The following GRIP2 variants were observed in gnomAD, a reference collection of about 807,000 sequenced individuals.
GRIP2 encodes glutamate receptor-interacting protein 2.
GRIP2 carries 58 observed loss-of-function variants against 108.3 expected under a neutral mutation model. The observed-to-expected ratio is 0.54, with a 90% CI of 0.43 to 0.67. GRIP2 has a LOEUF of 0.67. Among genes scored for constraint, GRIP2 ranks in the 30% least tolerant of loss-of-function variants. The probability of loss-of-function intolerance (pLI) is 0.00; values close to 1 mark genes in which losing one functional copy is unlikely to be tolerated. For missense variants in GRIP2, 1,278 were observed against 1,430.6 expected (o/e 0.89, Z 1.72); for synonymous variants, 586 against 598.2 (o/e 0.98, Z 0.30).
intron 1 of GRIP2, among the ~76,000 whole-genome samples, chr3:14,549,533 T>C (rs749394238): frequency 5.3e-5 from 8 of 151,876 alleles, no homozygotes; most frequent in Non-Finnish European, 1.2e-4. Flanking sequence ...TCCTGGAGGG[T>C]TCCCCAACCA....
At chr3:14,504,626 C>A (rs1693867226) in intron 20 of GRIP2, among the ~76,000 whole-genome samples, 1 of 152,168 alleles carries the variant, frequency 6.6e-6, no homozygotes, top group Non-Finnish European at 1.5e-5. Context: ...TGCTCTTTTA[C>A]AGGGGCACGC....
the GRIP2 span, among the ~76,000 whole-genome samples, chr3:14,572,544 G>A: frequency 1.1e-4 from 15 of 131,164 alleles, no homozygotes; most frequent in South Asian, 2.5e-4. Flanking sequence ...CCCGGGAGGC[G>A]GAGCTTGCAG....
chr3:14,490,887 G>A lies in GRIP2; in HGVS notation c.*2778C>T, dbSNP rs1436735860. 1 of 152,170 alleles carries A rather than the reference G, an allele frequency of 6.6e-6. No homozygotes were observed. The highest frequency in any genetic ancestry group is 1.5e-5 in the Non-Finnish European group (1 of 68,028). 9.4% of individuals were successfully genotyped at this position (152,170 alleles called of 1,614,324 possible). A position where few individuals can be genotyped will look rare whatever the true frequency, so the allele number is the denominator to read the frequency against. Reference sequence around the variant, plus strand: ...ATTGTGAGCTAAAGCCCCTCACCCTGGTCCCTCTATCCCGTTACTCCCTTG... The same window carrying A: ...ATTGTGAGCTAAAGCCCCTCACCCTAGTCCCTCTATCCCGTTACTCCCTTG... On this transcript the variant is annotated 3_prime_UTR_variant, in exon 24 of 24. Transcript: ENST00000621039.
upstream of GRIP2, among the ~76,000 whole-genome samples, chr3:14,541,025 G>A (rs1575030112): frequency 2.0e-5 from 3 of 152,372 alleles, no homozygotes; most frequent in South Asian, 6.2e-4. Flanking sequence ...TTGATAGGCA[G>A]GGCCAGTTGG....
At chr3:14,497,752 T>C (rs904647650) in intron 21 of GRIP2, among the ~76,000 whole-genome samples, 6 of 151,966 alleles carry the variant, frequency 3.9e-5, no homozygotes, top group African/African-American at 1.5e-4. Flanking sequence ...TTAGGGGTCA[T>C]GTAGTGGTCC....
At chr3:14,552,495 C>T (rs1042145261) in intron 1 of GRIP2, among the ~76,000 whole-genome samples, 68 of 152,194 alleles carry the variant, frequency 4.5e-4, no homozygotes, top group African/African-American at 1.5e-3. Flanking sequence ...CCTGCCTTGA[C>T]GTCTGTCGAT....
At chr3:14,592,552 T>C in the GRIP2 span, among the ~76,000 whole-genome samples, 1 of 152,208 alleles carries the variant, frequency 6.6e-6, no homozygotes, top group East Asian at 1.9e-4. Context: ...TACCAGGACG[T>C]GGACCCATGT....
the GRIP2 span, among the ~76,000 whole-genome samples, chr3:14,572,611 CAAAAAAAAA>C: frequency 1.1e-4 from 5 of 46,958 alleles, no homozygotes; most frequent in Non-Finnish European, 1.7e-4. Flanking sequence ...GACTCCGTCT[CAAAAAAAAA>C]AAAAAAAAAA....
the GRIP2 span, among the ~76,000 whole-genome samples, chr3:14,579,138 C>T: frequency 1.3e-5 from 2 of 152,196 alleles, no homozygotes; most frequent in Non-Finnish European, 2.9e-5. Flanking sequence ...GGCACTGACA[C>T]GTGCAACTAC....
chr3:14,566,106 T>C, the GRIP2 span, among the ~76,000 whole-genome samples: 48 of 152,324 alleles, frequency 3.2e-4, no homozygotes, highest in South Asian at 9.9e-3. Context: ...AATAACTGTG[T>C]GATCTTTCTC....
intron 21 of GRIP2, among the ~76,000 whole-genome samples, chr3:14,502,676 T>C (rs979098037): frequency 3.9e-5 from 6 of 152,208 alleles, no homozygotes; most frequent in African/African-American, 1.4e-4. Context: ...GGTAAATTCA[T>C]AGCTTTAAAA....
At chr3:14,563,340 C>T in the GRIP2 span, among the ~76,000 whole-genome samples, 153 of 151,826 alleles carry the variant, frequency 1.0e-3, no homozygotes, top group African/African-American at 3.6e-3. Flanking sequence ...TTATATGTGC[C>T]ATTTGGAAGT....
chr3:14,560,121 G>T (rs760048126), upstream of GRIP2, among the ~76,000 whole-genome samples: 43 of 151,896 alleles, frequency 2.8e-4, no homozygotes, highest in Non-Finnish European at 4.1e-4. Context: ...TGGCATGGTG[G>T]TGCATGCCTA....
chr3:14,529,278 C>CAAAA (rs78828207), intron 1 of GRIP2, among the ~76,000 whole-genome samples: 2 of 111,096 alleles, frequency 1.8e-5, no homozygotes, highest in East Asian at 2.4e-4. Flanking sequence ...GACTCCGTCT[C>CAAAA]AAAAAAAAAA....
At chr3:14,587,006 G>A in the GRIP2 span, among the ~76,000 whole-genome samples, 1 of 152,212 alleles carries the variant, frequency 6.6e-6, no homozygotes, top group Non-Finnish European at 1.5e-5. Context: ...GAGTGGCCCT[G>A]GGGAGGGGGC....
chr3:14,523,455 G>T, intron 5 of GRIP2, 157 bp downstream of exon 5: 1 of 619,554 alleles, frequency 1.6e-6, no homozygotes, highest in Non-Finnish European at 2.9e-6. Flanking sequence ...TTGCTTGGCA[G>T]ATTTTCCCAC....
chr3:14,510,567 A>T (rs1188556049), intron 16 of GRIP2, among the ~76,000 whole-genome samples: 2 of 151,966 alleles, frequency 1.3e-5, no homozygotes, highest in Non-Finnish European at 2.9e-5. Flanking sequence ...ACCTGGCCCA[A>T]CTTTTCTTAA....
chr3:14,531,138 T>G (rs1440247224), intron 1 of GRIP2: 1 of 152,194 alleles, frequency 6.6e-6, no homozygotes, highest in African/African-American at 2.4e-5. Context: ...TAGCCATACA[T>G]TCTTTTGGAT....
At chr3:14,513,951 G>A in intron 12 of GRIP2, 141 bp from the exon 13 acceptor site, 2 of 1,027,782 alleles carry the variant, frequency 1.9e-6, no homozygotes, top group Non-Finnish European at 2.8e-6. Flanking sequence ...GCCCACCTGT[G>A]TATCCTCAGG....
Sources: gnomAD v4.1 joint callset for allele counts (sites outside exome capture counted in the v4.1 genomes callset) on GRCh38, gnomAD v4.1.1 for gene constraint, MANE v1.5 for transcripts, NCBI Gene and HGNC (gene_info 2026-07-23, HGNC 2026-07-21) for gene names.